Variants in MGAT4C observed in about 807,000 individuals in gnomAD.
The protein encoded by MGAT4C is MGAT4 family member C, also known as alpha-1,3-mannosyl-glycoprotein 4-beta-N-acetylglucosaminyltransferase C.
In MGAT4C, 19 loss-of-function variants were observed where a neutral mutation model predicts 40.1. The ratio of observed to expected loss-of-function variants is 0.47; its 90% CI spans 0.33 to 0.70. The LOEUF is 0.70. MGAT4C is among the 30% of genes least tolerant of loss of function. The pLI is 0.02. For missense variants in MGAT4C, 491 were observed against 563.2 expected, an observed-to-expected ratio of 0.87 and a Z score of 1.30; for synonymous variants, 181 against 187.1, an observed-to-expected ratio of 0.97 and a Z score of 0.27.
chr12:86,700,199 A>G (rs1950339133), intron 2 of MGAT4C, among the ~76,000 whole-genome samples: 1 of 147,116 alleles, frequency 6.8e-6, no homozygotes, highest in Non-Finnish European at 1.5e-5. Flanking sequence ...ATAGATAGAT[A>G]GATAGATAGA....
intron 1 of MGAT4C, among the ~76,000 whole-genome samples, chr12:86,066,683 T>C (rs1045003743): frequency 6.6e-6 from 1 of 151,950 alleles, no homozygotes; most frequent in African/African-American, 2.4e-5. Flanking sequence ...CCAAAAGAAA[T>C]GGCAACAAAA....
chr12:86,563,877 C>A (rs1254890580), intron 2 of MGAT4C, among the ~76,000 whole-genome samples: 1 of 152,164 alleles, frequency 6.6e-6, no homozygotes, highest in Non-Finnish European at 1.5e-5. Context: ...GTCATTTCCC[C>A]AGTGCCAGAA....
chr12:86,347,509 C>T (rs1004963851), intron 3 of MGAT4C, among the ~76,000 whole-genome samples: 1 of 152,146 alleles, frequency 6.6e-6, no homozygotes, highest in Non-Finnish European at 1.5e-5. Context: ...ACCTTTGGAA[C>T]AAATCCCGTT....
At chr12:86,426,154 C>T (rs1956921154) in intron 3 of MGAT4C, among the ~76,000 whole-genome samples, 1 of 151,990 alleles carries the variant, frequency 6.6e-6, no homozygotes, top group Non-Finnish European at 1.5e-5. Flanking sequence ...TGGCATCTGC[C>T]CCTTAACAAG....
intron 1 of MGAT4C, among the ~76,000 whole-genome samples, chr12:86,114,848 A>AT (rs1878114416): frequency 6.6e-6 from 1 of 151,874 alleles, no homozygotes; most frequent in Non-Finnish European, 1.5e-5. Flanking sequence ...AAAATCTATT[A>AT]CCTACCCTAA....
intron 2 of MGAT4C, among the ~76,000 whole-genome samples, chr12:86,625,269 C>G (rs1962767550): frequency 6.6e-6 from 1 of 152,000 alleles, no homozygotes. Flanking sequence ...AACTGTAAGT[C>G]AATTAAACCT....
rs1487514881 is a variant in MGAT4C, at chr12:85,964,441, A to G, written c.*14848T>C. 6.6e-6 allele frequency: 1 copy of G among 152,140 alleles called. No homozygotes were observed. The highest frequency in any genetic ancestry group is 1.5e-5 in the Non-Finnish European group (1 of 67,992). 9.4% of individuals were successfully genotyped at this position (152,140 alleles called of 1,614,324 possible). A position where few individuals can be genotyped will look rare whatever the true frequency, so the allele number is the denominator to read the frequency against. On this transcript the variant is annotated 3_prime_UTR_variant, in exon 5 of 5. Coordinates refer to ENST00000611864, the MANE Select transcript of MGAT4C (RefSeq NM_001351288.2). ...GATTTTAATACCAGGATGAAATAAT[A>G]GTATCATTCTATTTCAGGTTCTTAA...
intron 1 of MGAT4C, among the ~76,000 whole-genome samples, chr12:86,161,889 A>G (rs894368956): frequency 2.0e-5 from 3 of 152,192 alleles, no homozygotes; most frequent in African/African-American, 4.8e-5. Context: ...CAACAAACGC[A>G]TGAAAAAATG....
At chr12:86,389,887 C>A (rs953995997) in intron 3 of MGAT4C, among the ~76,000 whole-genome samples, 11 of 151,950 alleles carry the variant, frequency 7.2e-5, no homozygotes, top group Admixed American at 1.3e-4. Flanking sequence ...CATATTTCAC[C>A]GTAACAATGC....
At position 86,566,867 on chromosome 12, in the gene MGAT4C, A is replaced by G. The variant is rs1027044195; in HGVS notation, c.-228-131602T>C. ...TTCCAAGACTACCATCCATGGAATC[A>G]CAGAATGCTTTATCCTCCATCATGG... On this transcript the variant is annotated intron_variant, in intron 2 of 7. Transcript: ENST00000548651. Among the ~76,000 whole-genome samples the G allele has an allele frequency of 7.9e-5, 12 of 151,508 alleles. No individual in the cohort carries two copies. The East Asian group carries it at 2.4e-3, about 30-fold the overall frequency.
At chr12:86,043,792 A>G (rs961539753) in intron 2 of MGAT4C, among the ~76,000 whole-genome samples, 5 of 152,172 alleles carry the variant, frequency 3.3e-5, no homozygotes, top group African/African-American at 9.7e-5. Context: ...ACATTTTTGT[A>G]TCACTTAGAA....
At chr12:86,574,046 A>G (rs749015985) in intron 2 of MGAT4C, among the ~76,000 whole-genome samples, 2 of 151,798 alleles carry the variant, frequency 1.3e-5, no homozygotes, top group East Asian at 1.9e-4. Flanking sequence ...CTTTAGAGAT[A>G]CTTTTTTTTC....
chr12:86,452,179 G>C (rs1271154267), intron 2 of MGAT4C, among the ~76,000 whole-genome samples: 1 of 151,706 alleles, frequency 6.6e-6, no homozygotes, highest in East Asian at 1.9e-4. Context: ...TACTAACTAG[G>C]GCCATTCTTT....
chr12:86,149,786 T>C (rs745484593), intron 1 of MGAT4C, among the ~76,000 whole-genome samples: 2 of 152,172 alleles, frequency 1.3e-5, no homozygotes, highest in Non-Finnish European at 2.9e-5. Context: ...TGAAAATTTA[T>C]CTTCAAATAC....
At chr12:86,833,644 CATT>C (rs1257134072) in intron 1 of MGAT4C, among the ~76,000 whole-genome samples, 6 of 151,908 alleles carry the variant, frequency 3.9e-5, no homozygotes, top group African/African-American at 1.4e-4. Context: ...TTAATTCCCT[CATT>C]AATGAACCCA....
intron 1 of MGAT4C, among the ~76,000 whole-genome samples, chr12:86,774,343 C>CTTTCTTTCTTTCTTTCTTTT (rs1565981678): frequency 1.8e-5 from 1 of 54,502 alleles, no homozygotes; most frequent in African/African-American, 5.4e-5. Flanking sequence ...TTCTTTCTGT[C>CTTTCTTTCTTTCTTTCTTTT]TCTCTCTCTC....
At chr12:86,634,016 A>G (rs2136510253) in intron 2 of MGAT4C, among the ~76,000 whole-genome samples, 1 of 152,198 alleles carries the variant, frequency 6.6e-6, no homozygotes, top group Admixed American at 6.6e-5. Flanking sequence ...AAACAGAAAC[A>G]TGCTCTGGTT....
At chr12:86,474,753 T>C (rs1957808174) in intron 2 of MGAT4C, among the ~76,000 whole-genome samples, 1 of 152,076 alleles carries the variant, frequency 6.6e-6, no homozygotes, top group African/African-American at 2.4e-5. Flanking sequence ...AATGGGGATA[T>C]GGTCAGATTA....
rs192735293 is a variant in MGAT4C, at chr12:86,279,890, G to C, written c.-57+54175C>G. On this transcript the variant is annotated intron_variant, in intron 4 of 7. Transcript: ENST00000548651. ...TTCAATTTTCTTAGTTTCTTTGTGG[G>C]CCCATTCAGGAGCATACTGTTTAAT... Among the ~76,000 whole-genome samples the C allele has an allele frequency of 3.8e-3, 578 of 151,658 alleles. 3 individuals carry two copies. The highest frequency in any genetic ancestry group is 0.013 in the African/African-American group (548 of 41,416).
Sources: allele counts gnomAD v4.1 joint callset (sites outside exome capture counted in the v4.1 genomes callset), GRCh38; gene constraint gnomAD v4.1.1; transcripts MANE v1.5; gene names NCBI Gene and HGNC (gene_info 2026-07-23, HGNC 2026-07-21).